AMACR: variants seen among roughly 807,000 people sequenced by gnomAD.
AMACR encodes alpha-methylacyl-CoA racemase.
AMACR carries 18 observed loss-of-function variants against 22.2 expected under a neutral mutation model. The ratio of observed to expected loss-of-function variants is 0.81; its 90% CI spans 0.56 to 1.20. The LOEUF (loss-of-function observed/expected upper bound fraction) is 1.20. AMACR is among the 50% of genes most tolerant of loss of function. The pLI is 0.00. For missense variants in AMACR, 499 were observed against 490.6 expected (o/e 1.02, Z -0.16); for synonymous variants, 213 against 191.3 (o/e 1.11, Z -0.94).
intron 4 of AMACR, among the ~76,000 whole-genome samples, 159 bp downstream of exon 4, chr5:33,998,482 C>A (rs1561041903): frequency 6.6e-6 from 1 of 151,930 alleles, no homozygotes; most frequent in Non-Finnish European, 1.5e-5. Context: ...ATTTAAAAGC[C>A]ATGGAAAATG....
At chr5:33,993,145 T>G (rs955975017) in intron 4 of AMACR, among the ~76,000 whole-genome samples, 1 of 152,220 alleles carries the variant, frequency 6.6e-6, no homozygotes, top group African/African-American at 2.4e-5. Flanking sequence ...CTTGACCACT[T>G]TAGACATTTC....
rs929534031 is a variant in AMACR at position 33,987,461 on chromosome 5, G to A, written c.*1632C>T. On this transcript the variant is annotated 3_prime_UTR_variant, in exon 5 of 5. Coordinates refer to ENST00000335606, the MANE Select transcript of AMACR (RefSeq NM_014324.6). Reference sequence around the variant, plus strand: ...AGGGCATTAGAGTGACCTCACAAGAGTATCTCAGAATATTTAAAAATTTGA... The same window carrying A: ...AGGGCATTAGAGTGACCTCACAAGAATATCTCAGAATATTTAAAAATTTGA... The A allele has an allele frequency of 6.6e-6, 1 of 152,230 alleles. No homozygotes were observed. The highest frequency in any genetic ancestry group is 2.4e-5 in the African/African-American group (1 of 41,452). 9.4% of individuals were successfully genotyped at this position (152,230 alleles called of 1,614,324 possible).
In AMACR at chr5:33,988,068, G is replaced by A; in HGVS notation, c.*1025C>T. 1 of 387,084 alleles carries A rather than the reference G, an allele frequency of 2.6e-6. No individual in the cohort carries two copies. The highest frequency in any genetic ancestry group is 6.8e-5 in the South Asian group (1 of 14,652). 24.0% of individuals were successfully genotyped at this position (387,084 alleles called of 1,614,324 possible). A position where few individuals can be genotyped will look rare whatever the true frequency, so the allele number is the denominator to read the frequency against. ...GATACTGCGCAGAATGGACCTTATT[G>A]ATGGCCTACCCAACATCCATTCTCT... is the stretch of plus-strand genomic sequence containing the variant. On this transcript the variant is annotated 3_prime_UTR_variant, in exon 5 of 5. Coordinates refer to ENST00000335606, the MANE Select transcript of AMACR (RefSeq NM_014324.6).
At chr5:33,998,965 A>G in intron 3 of AMACR, 138 bp from the exon 4 acceptor site, 1 of 759,114 alleles carries the variant, frequency 1.3e-6, no homozygotes, top group South Asian at 1.7e-5. Context: ...TAATTACACA[A>G]CTTCTCTGGT....
intron 4 of AMACR, among the ~76,000 whole-genome samples, chr5:33,990,447 C>T (rs151190333): frequency 4.0e-3 from 610 of 152,296 alleles, no homozygotes; most frequent in African/African-American, 0.014. Context: ...ACCCCATCTG[C>T]GTTTCCTTTA....
intron 4 of AMACR, chr5:33,996,904 T>A (rs1753653831): frequency 2.5e-6 from 1 of 405,042 alleles, no homozygotes; most frequent in African/African-American, 2.1e-5. Context: ...TTTAAGAAAA[T>A]CATTAAACAA....
chr5:33,997,518 C>T, intron 4 of AMACR: 1 of 780,366 alleles, frequency 1.3e-6, no homozygotes, highest in Non-Finnish European at 2.4e-6. Context: ...TTCTCCCAGA[C>T]CTGGCCAAGG....
At chr5:33,999,769 T>C (rs903248390) in intron 3 of AMACR, among the ~76,000 whole-genome samples, 1 of 152,164 alleles carries the variant, frequency 6.6e-6, no homozygotes, top group African/African-American at 2.4e-5. Context: ...ATATATCCAA[T>C]TTTCCCTCTT....
chr5:34,000,852 T>C (rs1278552361), intron 3 of AMACR, among the ~76,000 whole-genome samples: 1 of 152,228 alleles, frequency 6.6e-6, no homozygotes, highest in African/African-American at 2.4e-5. Context: ...TATATAAATA[T>C]TGAATATGTA....
Position 34,004,693 on chromosome 5 carries a change from C to T in AMACR, c.433G>A (p.Ala145Thr). Residue 145 changes from alanine (A) to threonine (T), a missense_variant, in exon 3 of 5, where the codon GCC becomes ACC. Transcript: ENST00000335606. ...KIGRSGENPY[A>T]PLNLLADFAG... ...AAGTCAGCCAGGAGATTCAGCGGGG[C>T]ATACGGATTCTCACCACTTCTGCCA... The T allele has an allele frequency of 1.2e-6, 2 of 1,614,192 alleles. No homozygotes were observed. The highest frequency in any genetic ancestry group is 1.7e-6 in the Non-Finnish European group (2 of 1,180,038).
At chr5:33,996,186 T>C (rs1753628846) in intron 4 of AMACR, among the ~76,000 whole-genome samples, 1 of 152,172 alleles carries the variant, frequency 6.6e-6, no homozygotes, top group African/African-American at 2.4e-5. Flanking sequence ...AGGCAATATT[T>C]TATCGCAGCT....
At chr5:34,007,712 C>T (rs1754029046) in intron 1 of AMACR, 61 bp downstream of exon 1, 2 of 1,469,266 alleles carry the variant, frequency 1.4e-6, no homozygotes, top group Admixed American at 2.4e-5. Context: ...CTCGATCGAA[C>T]GGCCAGGCCC....
intron 4 of AMACR, among the ~76,000 whole-genome samples, chr5:33,995,365 A>C (rs911702040): frequency 2.0e-5 from 3 of 152,264 alleles, no homozygotes; most frequent in African/African-American, 7.2e-5. Context: ...GAAAGCTCTC[A>C]GCTTAAGGGA....
At chr5:33,997,119 G>A (rs529810732) in intron 4 of AMACR, 9 of 750,130 alleles carry the variant, frequency 1.2e-5, no homozygotes, top group African/African-American at 3.5e-5. Context: ...CAAGTTCAAC[G>A]GCAGTTTCCT....
rs1753911376 is a variant in AMACR, at chr5:34,004,519, G to A, written c.552+55C>T. The A allele has an allele frequency of 1.9e-6, 3 of 1,604,896 alleles. No homozygotes were observed. In the African/African-American group the frequency reaches 4.0e-5, roughly 21 times the overall value. On this transcript the variant is annotated intron_variant, in intron 3 of 4. Coordinates refer to ENST00000335606, the MANE Select transcript of AMACR (RefSeq NM_014324.6). ...TTCTTCAAAAAAAGGATTTTAAGCA[G>A]CTATATCTTAAACTTAGGGACAAGT...
At chr5:33,993,947 C>T (rs1278900083) in intron 4 of AMACR, 11 of 406,454 alleles carry the variant, frequency 2.7e-5, no homozygotes, top group South Asian at 1.7e-4. Context: ...CTATTGCTTA[C>T]CTGATTGTAC....
rs1753704616 is a variant in AMACR, at chr5:33,998,318, G to A, written c.739+323C>T. On this transcript the variant is annotated intron_variant, in intron 4 of 4. Transcript: ENST00000335606. Reference sequence around the variant, plus strand: ...ATTGAATGGAAAGCAACCCATGTGAGATCATTTCTAGGGAAGAGTAAGATC... The same window carrying A: ...ATTGAATGGAAAGCAACCCATGTGAAATCATTTCTAGGGAAGAGTAAGATC... 2.6e-5 allele frequency among the ~76,000 whole-genome samples: 4 copies of A among 152,190 alleles called. No homozygotes were observed. In the South Asian group the frequency reaches 8.3e-4, roughly 32 times the overall value.
At chr5:34,005,645 G>A (rs1159783560) in intron 2 of AMACR, 111 bp downstream of exon 2, 1 of 1,341,262 alleles carries the variant, frequency 7.5e-7, no homozygotes, top group Non-Finnish European at 1.0e-6. Context: ...TCTCTTGATT[G>A]ATTCTGATAA....
chr5:34,002,103 T>C (rs1477921528), intron 3 of AMACR, among the ~76,000 whole-genome samples: 1 of 152,180 alleles, frequency 6.6e-6, no homozygotes, highest in African/African-American at 2.4e-5. Context: ...TTCAAGCAAT[T>C]CTCATGCCTC....
Sources: allele counts gnomAD v4.1 joint callset (sites outside exome capture counted in the v4.1 genomes callset), GRCh38; gene constraint gnomAD v4.1.1; transcripts MANE v1.5; gene names NCBI Gene and HGNC (gene_info 2026-07-23, HGNC 2026-07-21).